The following TNRC6B variants were observed in gnomAD, a reference collection of about 807,000 sequenced individuals.
TNRC6B encodes the protein trinucleotide repeat containing adaptor 6B.
TNRC6B carries 52 observed loss-of-function variants against 203.6 expected under a neutral mutation model. The ratio of observed to expected loss-of-function variants is 0.26; its 90% CI spans 0.20 to 0.32. TNRC6B has a LOEUF of 0.32. Ranked by LOEUF, TNRC6B falls within the 10% of genes least tolerant of loss-of-function variation. The pLI is 1.00. For missense variants in TNRC6B, 1,923 were observed against 2,286.2 expected, an observed-to-expected ratio of 0.84 and a Z score of 3.24; for synonymous variants, 838 against 845.7, an observed-to-expected ratio of 0.99 and a Z score of 0.16.
chr22:40,236,211 G>C (rs1333794003), intron 1 of TNRC6B, among the ~76,000 whole-genome samples: 3 of 152,100 alleles, frequency 2.0e-5, no homozygotes, highest in South Asian at 2.1e-4. Context: ...TCAAATACAG[G>C]ACAGTTCTGT....
intron 16 of TNRC6B, among the ~76,000 whole-genome samples, chr22:40,309,425 T>C (rs781084574): frequency 1.8e-4 from 27 of 152,262 alleles, no homozygotes; most frequent in Non-Finnish European, 4.0e-4. Context: ...GTTTCCTTTA[T>C]AAACCACTCT....
At chr22:40,058,250 T>C (rs1259384946) in intron 1 of TNRC6B, among the ~76,000 whole-genome samples, 1 of 151,912 alleles carries the variant, frequency 6.6e-6, no homozygotes, top group African/African-American at 2.4e-5. Context: ...AAACAAAACA[T>C]AAACGGTAAA....
Position 40,334,583 on chromosome 22 carries a change from C to G in TNRC6B, c.*11342C>G, listed in dbSNP as rs1224637917. The G allele has an allele frequency of 6.6e-6, 1 of 152,556 alleles. No homozygotes were observed. The highest frequency in any genetic ancestry group is 1.5e-5 in the Non-Finnish European group (1 of 68,044). The allele number at this position is 152,556 out of a possible 1,614,324, so 9.5% of individuals were successfully genotyped here. On this transcript the variant is annotated 3_prime_UTR_variant, in exon 23 of 23. Coordinates refer to ENST00000454349, the MANE Select transcript of TNRC6B (RefSeq NM_001162501.2). ...GGTTTCTGGACTATTTTATCTGTCT[C>G]CATTTAGATGGAGATATAAATGCTG...
intron 3 of TNRC6B, among the ~76,000 whole-genome samples, chr22:40,126,452 C>CT (rs2068493911): frequency 6.6e-6 from 1 of 152,030 alleles, no homozygotes; most frequent in Non-Finnish European, 1.5e-5. Context: ...TTTATGTCCA[C>CT]ATGTACCCAG....
At chr22:40,107,101 A>G in intron 1 of TNRC6B, 2 of 663,860 alleles carry the variant, frequency 3.0e-6, no homozygotes, top group Non-Finnish European at 5.3e-6. Flanking sequence ...GTATCTTTTG[A>G]TGAACAAATA....
At chr22:40,289,061 C>G (rs190992154) in intron 12 of TNRC6B, among the ~76,000 whole-genome samples, 2 of 151,956 alleles carry the variant, frequency 1.3e-5, no homozygotes, top group Admixed American at 1.3e-4. Context: ...TGATCCACCC[C>G]ACCTTGACCT....
chr22:40,152,502 GTA>G (rs1349969258), intron 3 of TNRC6B, among the ~76,000 whole-genome samples: 2 of 152,024 alleles, frequency 1.3e-5, no homozygotes, highest in Admixed American at 6.6e-5. Flanking sequence ...AATTTTTTTT[GTA>G]TTTTTAGTAG....
At chr22:40,152,375 G>A (rs2146348489) in intron 3 of TNRC6B, among the ~76,000 whole-genome samples, 1 of 152,324 alleles carries the variant, frequency 6.6e-6, no homozygotes, top group East Asian at 1.9e-4. Context: ...TTGCCAGACT[G>A]GAGTGCAGTG....
intron 12 of TNRC6B, among the ~76,000 whole-genome samples, chr22:40,289,302 G>A (rs1203482707): frequency 6.6e-6 from 1 of 151,970 alleles, no homozygotes; most frequent in Non-Finnish European, 1.5e-5. Context: ...AAAAGAGGAA[G>A]GGAGGGAGGG....
intron 12 of TNRC6B, among the ~76,000 whole-genome samples, chr22:40,289,477 G>A (rs1419816008): frequency 6.6e-6 from 1 of 152,116 alleles, no homozygotes; most frequent in African/African-American, 2.4e-5. Context: ...TGCATAATAT[G>A]ATGATCTGTT....
intron 3 of TNRC6B, among the ~76,000 whole-genome samples, chr22:40,129,663 A>G (rs1335225288): frequency 6.6e-6 from 1 of 152,230 alleles, no homozygotes; most frequent in South Asian, 2.1e-4. Flanking sequence ...GAGAAAGGAT[A>G]TGAGAAAACT....
chr22:40,174,979 C>A (rs1332499256), upstream of TNRC6B, among the ~76,000 whole-genome samples: 1 of 151,932 alleles, frequency 6.6e-6, no homozygotes, highest in South Asian at 2.1e-4. Flanking sequence ...GTATTTATTG[C>A]ACTTGTTTGT....
At chr22:40,318,099 AC>A (rs1359578295) in intron 21 of TNRC6B, among the ~76,000 whole-genome samples, 1 of 152,220 alleles carries the variant, frequency 6.6e-6, no homozygotes, top group Non-Finnish European at 1.5e-5. Context: ...GTGGGGAAAT[AC>A]ATCTCCTAAA....
chr22:40,187,187 G>A (rs1256380815), intron 1 of TNRC6B, among the ~76,000 whole-genome samples: 1 of 152,162 alleles, frequency 6.6e-6, no homozygotes, highest in Admixed American at 6.5e-5. Context: ...AGGGTTATGC[G>A]AAGTAAAATA....
chr22:40,199,397 C>A (rs1482463663), intron 1 of TNRC6B, among the ~76,000 whole-genome samples: 3 of 152,156 alleles, frequency 2.0e-5, no homozygotes, highest in Non-Finnish European at 4.4e-5. Context: ...AAATTGAAAT[C>A]ATGCCACCTG....
At chr22:40,234,761 T>C (rs1601907702) in intron 1 of TNRC6B, among the ~76,000 whole-genome samples, 1 of 152,366 alleles carries the variant, frequency 6.6e-6, no homozygotes, top group Admixed American at 6.5e-5. Flanking sequence ...TTTCTTCTTA[T>C]AAGCCACTTA....
chr22:40,332,880 C>T lies in TNRC6B; in HGVS notation c.*9639C>T, dbSNP rs1444983635. 2 of 152,478 alleles carry T rather than the reference C, an allele frequency of 1.3e-5. No individual in the cohort carries two copies. The highest frequency in any genetic ancestry group is 3.4e-3 in the Middle Eastern group (1 of 292). The allele number at this position is 152,478 out of a possible 1,614,324, so 9.4% of individuals were successfully genotyped here. On this transcript the variant is annotated 3_prime_UTR_variant, in exon 23 of 23. Coordinates refer to ENST00000454349, the MANE Select transcript of TNRC6B (RefSeq NM_001162501.2). ...TGAAAGTAACCCTAAAATATGTTTT[C>T]TTCTTTTGTATTTTTTTGGTTTTTG... is the stretch of plus-strand genomic sequence containing the variant.
intron 3 of TNRC6B, among the ~76,000 whole-genome samples, chr22:40,255,832 GTGTTTGTTTGCT>G (rs1341159056): frequency 1.3e-5 from 2 of 151,768 alleles, no homozygotes; most frequent in African/African-American, 2.4e-5. Context: ...ATTAATGCAG[GTGTTTGTTTGCT>G]TGTTTGTTTG....
At chr22:40,243,862 G>A (rs1385478717) in intron 1 of TNRC6B, among the ~76,000 whole-genome samples, 1 of 152,152 alleles carries the variant, frequency 6.6e-6, no homozygotes, top group African/African-American at 2.4e-5. Context: ...TGGGATTACA[G>A]GTGTGAGTCA....
Sources: gnomAD v4.1 joint callset for allele counts (sites outside exome capture counted in the v4.1 genomes callset) on GRCh38, gnomAD v4.1.1 for gene constraint, MANE v1.5 for transcripts, NCBI Gene and HGNC (gene_info 2026-07-23, HGNC 2026-07-21) for gene names.